The following NOS1AP variants were observed in gnomAD, a reference collection of about 807,000 sequenced individuals.
NOS1AP encodes nitric oxide synthase 1 adaptor protein.
Under a neutral mutation model 56.2 loss-of-function variants are expected in NOS1AP, and 21 were observed. The ratio of observed to expected loss-of-function variants is 0.37; its 90% CI spans 0.26 to 0.54. NOS1AP has a LOEUF of 0.54. Among genes scored for constraint, NOS1AP ranks in the 20% least tolerant of loss-of-function variants. The pLI is 0.84. For missense variants in NOS1AP, 522 were observed against 657.8 expected (o/e 0.79, Z 2.26); for synonymous variants, 270 against 274.6 (o/e 0.98, Z 0.17).
At chr1:162,163,186 A>G (rs1650311744) in intron 2 of NOS1AP, among the ~76,000 whole-genome samples, 1 of 152,110 alleles carries the variant, frequency 6.6e-6, no homozygotes, top group Admixed American at 6.6e-5. Flanking sequence ...TATACCACAT[A>G]TTATTTATTC....
intron 1 of NOS1AP, among the ~76,000 whole-genome samples, chr1:162,127,645 G>A (rs1244220839): frequency 6.6e-6 from 1 of 152,140 alleles, no homozygotes; most frequent in Non-Finnish European, 1.5e-5. Context: ...GTGGAAGAAC[G>A]TGAAGGGGGA....
At chr1:162,314,215 G>C (rs566278568) in intron 4 of NOS1AP, among the ~76,000 whole-genome samples, 1 of 152,356 alleles carries the variant, frequency 6.6e-6, no homozygotes, top group African/African-American at 2.4e-5. Flanking sequence ...GCTCATGAGA[G>C]AGCCCATAGA....
At chr1:162,302,083 G>T (rs10800426) in intron 4 of NOS1AP, among the ~76,000 whole-genome samples, 1 of 152,240 alleles carries the variant, frequency 6.6e-6, no homozygotes, top group South Asian at 2.1e-4. Context: ...ATGTCTGACA[G>T]AATGAATTTC....
intron 2 of NOS1AP, among the ~76,000 whole-genome samples, chr1:162,201,652 G>A (rs1651993726): frequency 6.6e-6 from 1 of 152,202 alleles, no homozygotes; most frequent in South Asian, 2.1e-4. Flanking sequence ...TCTGACTGGT[G>A]TTAGATGGTA....
intron 1 of NOS1AP, among the ~76,000 whole-genome samples, chr1:162,153,034 G>A (rs749131240): frequency 6.6e-6 from 1 of 152,176 alleles, no homozygotes. Context: ...ATATGAAGGC[G>A]CTCATGTCAT....
intron 4 of NOS1AP, among the ~76,000 whole-genome samples, chr1:162,311,826 T>C (rs1357282115): frequency 8.2e-5 from 12 of 145,690 alleles, no homozygotes; most frequent in Admixed American, 7.6e-4. Context: ...AGTGAGAATA[T>C]GCGGTGTTTG....
At chr1:162,271,295 C>T (rs565348323) in intron 2 of NOS1AP, among the ~76,000 whole-genome samples, 1 of 147,932 alleles carries the variant, frequency 6.8e-6, no homozygotes, top group East Asian at 2.1e-4. Context: ...CCCCACCCCC[C>T]AGCATGATCC....
At chr1:162,332,459 T>A (rs572807738) in intron 4 of NOS1AP, among the ~76,000 whole-genome samples, 1 of 152,292 alleles carries the variant, frequency 6.6e-6, no homozygotes, top group African/African-American at 2.4e-5. Context: ...TGGCCCACAG[T>A]GTGCACTCAG....
At chr1:162,167,659 T>TG (rs1269646028) in intron 2 of NOS1AP, among the ~76,000 whole-genome samples, 1 of 152,232 alleles carries the variant, frequency 6.6e-6, no homozygotes, top group Non-Finnish European at 1.5e-5. Context: ...GGGGCAGCCC[T>TG]GCTATCTGAG....
At chr1:162,200,676 C>T (rs1447511535) in intron 2 of NOS1AP, among the ~76,000 whole-genome samples, 1 of 152,166 alleles carries the variant, frequency 6.6e-6, no homozygotes, top group Non-Finnish European at 1.5e-5. Flanking sequence ...GGGAGGATGA[C>T]TTTTGGAGAA....
intron 4 of NOS1AP, 83 bp downstream of exon 4, chr1:162,300,789 T>G: frequency 8.5e-7 from 1 of 1,179,194 alleles, no homozygotes; most frequent in Non-Finnish European, 1.3e-6. Context: ...GGCTGGTGGA[T>G]CCAGGCAAAT....
At chr1:162,224,075 A>G (rs989290511) in intron 2 of NOS1AP, among the ~76,000 whole-genome samples, 1 of 152,110 alleles carries the variant, frequency 6.6e-6, no homozygotes, top group African/African-American at 2.4e-5. Context: ...TTGCATTCAC[A>G]GGTTTAAAGG....
intron 1 of NOS1AP, among the ~76,000 whole-genome samples, chr1:162,102,993 T>A (rs1159302243): frequency 6.6e-6 from 1 of 152,184 alleles, no homozygotes; most frequent in Non-Finnish European, 1.5e-5. Flanking sequence ...GTTTGTTTGC[T>A]CTTGGTTCTC....
chr1:162,157,382 A>G (rs1650018942), intron 2 of NOS1AP, among the ~76,000 whole-genome samples: 1 of 152,158 alleles, frequency 6.6e-6, no homozygotes, highest in Non-Finnish European at 1.5e-5. Context: ...CCCTCAATTC[A>G]CTGCTAGGTC....
At chr1:162,075,641 G>A (rs1490432706) in intron 1 of NOS1AP, among the ~76,000 whole-genome samples, 1 of 152,128 alleles carries the variant, frequency 6.6e-6, no homozygotes, top group Non-Finnish European at 1.5e-5. Flanking sequence ...CTGTCTTCCA[G>A]GGTTCTGGAA....
At chr1:162,106,053 TG>T (rs1647495685) in intron 1 of NOS1AP, among the ~76,000 whole-genome samples, 1 of 152,200 alleles carries the variant, frequency 6.6e-6, no homozygotes, top group African/African-American at 2.4e-5. Context: ...AGCCACTCCC[TG>T]AGTGGCTGCT....
chr1:162,221,228 C>G (rs145164947), intron 2 of NOS1AP, among the ~76,000 whole-genome samples: 1 of 152,202 alleles, frequency 6.6e-6, no homozygotes, highest in African/African-American at 2.4e-5. Context: ...CGTGAGCCAC[C>G]GCGCCCAGCC....
At chr1:162,361,823 A>AG (rs1335563754) in intron 8 of NOS1AP, among the ~76,000 whole-genome samples, 1 of 152,216 alleles carries the variant, frequency 6.6e-6, no homozygotes, top group East Asian at 1.9e-4. Context: ...CTGCAAAAAA[A>AG]GCTTTCAATT....
chr1:162,139,955 A>G (rs959893541), intron 1 of NOS1AP, among the ~76,000 whole-genome samples: 1 of 151,930 alleles, frequency 6.6e-6, no homozygotes, highest in Non-Finnish European at 1.5e-5. Context: ...AGCCTCCTGA[A>G]TAGCTGAGAT....
Sources: allele counts gnomAD v4.1 joint callset (sites outside exome capture counted in the v4.1 genomes callset), GRCh38; gene constraint gnomAD v4.1.1; transcripts MANE v1.5; gene names NCBI Gene and HGNC (gene_info 2026-07-23, HGNC 2026-07-21).